Variants in THSD4 observed in about 807,000 individuals in gnomAD.
THSD4 encodes the protein thrombospondin type-1 domain-containing protein 4.
A neutral mutation model predicts 119.0 loss-of-function variants in THSD4; 69 were observed. The ratio of observed to expected loss-of-function variants is 0.58; its 90% CI spans 0.48 to 0.71. The LOEUF (loss-of-function observed/expected upper bound fraction) is 0.71. Among genes scored for constraint, THSD4 ranks in the 30% least tolerant of loss-of-function variants. The pLI is 0.00. For synonymous variants in THSD4, 524 were observed against 540.4 expected, an observed-to-expected ratio of 0.97 and a Z score of 0.42; for missense variants, 1,393 against 1,391.1, an observed-to-expected ratio of 1.00 and a Z score of -0.02.
intron 11 of THSD4, among the ~76,000 whole-genome samples, chr15:71,742,774 G>A (rs535979312): frequency 2.6e-4 from 39 of 152,302 alleles, no homozygotes; most frequent in African/African-American, 8.9e-4. Flanking sequence ...GTAGATATGG[G>A]TCAGGCGCCG....
chr15:71,600,610 G>A (rs1368929109), intron 7 of THSD4, among the ~76,000 whole-genome samples: 1 of 152,136 alleles, frequency 6.6e-6, no homozygotes, highest in Non-Finnish European at 1.5e-5. Flanking sequence ...TGATGATGAT[G>A]ACAATGACAA....
intron 1 of THSD4, among the ~76,000 whole-genome samples, chr15:71,123,535 A>T (rs991513265): frequency 3.3e-5 from 5 of 152,222 alleles, no homozygotes; most frequent in Admixed American, 2.6e-4. Context: ...CTTCTTACAG[A>T]TGAAGAAGGT....
At chr15:71,356,981 TG>T (rs1168928290) in intron 6 of THSD4, among the ~76,000 whole-genome samples, 3 of 152,138 alleles carry the variant, frequency 2.0e-5, no homozygotes, top group Non-Finnish European at 1.5e-5. Context: ...ACATCAAACG[TG>T]TGAGAGATGA....
chr15:71,447,122 T>TTG lies in THSD4; in HGVS notation c.1152+35300_1152+35301insGT, dbSNP rs1429679997. ...CCTCTTCCCTCCATTTTTTTTGTTT[T>TTG]TTTTTTTTTTTTTTTTGGAGACAGA... On this transcript the variant is annotated intron_variant, in intron 7 of 17. Transcript: ENST00000261862. 1.1e-4 allele frequency among the ~76,000 whole-genome samples: 15 copies of TTG among 136,758 alleles called. 1 individual carries two copies. Among genetic ancestry groups the TTG allele is most frequent in the Admixed American group, 2.2e-4 (3 of 13,708 alleles). 89.7% of individuals were successfully genotyped at this position (136,758 alleles called of 152,430 possible). A position where few individuals can be genotyped will look rare whatever the true frequency, so the allele number is the denominator to read the frequency against.
At chr15:71,704,652 C>T (rs891531857) in intron 8 of THSD4, among the ~76,000 whole-genome samples, 4 of 152,192 alleles carry the variant, frequency 2.6e-5, no homozygotes, top group African/African-American at 9.7e-5. Flanking sequence ...TAATTCAGAG[C>T]TAAGTATTTA....
At chr15:71,721,936 C>G (rs2052730721) in intron 8 of THSD4, among the ~76,000 whole-genome samples, 1 of 149,752 alleles carries the variant, frequency 6.7e-6, no homozygotes, top group African/African-American at 2.4e-5. Context: ...ATAATGGTGC[C>G]ACTGCACTCC....
intron 6 of THSD4, among the ~76,000 whole-genome samples, chr15:71,282,893 C>T (rs2044670405): frequency 1.3e-5 from 2 of 152,024 alleles, no homozygotes; most frequent in Non-Finnish European, 2.9e-5. Context: ...TACAAACATG[C>T]ACATAAAGTT....
chr15:71,392,217 A>T (rs2046388115), intron 6 of THSD4, among the ~76,000 whole-genome samples: 1 of 152,202 alleles, frequency 6.6e-6, no homozygotes, highest in Admixed American at 6.5e-5. Flanking sequence ...ATAAATGTCG[A>T]TATTTCCATG....
chr15:71,689,251 C>T (rs928199312), intron 8 of THSD4, among the ~76,000 whole-genome samples: 1 of 152,206 alleles, frequency 6.6e-6, no homozygotes, highest in African/African-American at 2.4e-5. Flanking sequence ...CTGGGAGCCA[C>T]CACCTGGTTC....
upstream of THSD4, chr15:71,112,327 ATAAT>A (rs778896769): frequency 5.0e-4 from 593 of 1,183,508 alleles, 5 homozygotes; most frequent in Middle Eastern, 7.1e-3. Context: ...GGTACTATTA[ATAAT>A]TAATTAATAA....
At chr15:71,163,025 G>A (rs1032215100) in intron 3 of THSD4, among the ~76,000 whole-genome samples, 13 of 151,680 alleles carry the variant, frequency 8.6e-5, no homozygotes, top group Non-Finnish European at 1.2e-4. Flanking sequence ...TTCGGCTCAC[G>A]AATTGTTTTC....
At chr15:71,762,829 G>T (rs1005539956) in intron 15 of THSD4, among the ~76,000 whole-genome samples, 2 of 152,194 alleles carry the variant, frequency 1.3e-5, no homozygotes, top group African/African-American at 4.8e-5. Context: ...AGCACTTTGG[G>T]AGGCCAAGGC....
chr15:71,481,971 C>G (rs376598698), intron 7 of THSD4, among the ~76,000 whole-genome samples: 9 of 152,312 alleles, frequency 5.9e-5, no homozygotes, highest in African/African-American at 2.2e-4. Flanking sequence ...CCATAAGTGC[C>G]CTTCCCAAAG....
intron 6 of THSD4, among the ~76,000 whole-genome samples, chr15:71,323,771 G>A (rs1170724073): frequency 1.3e-5 from 2 of 152,206 alleles, no homozygotes; most frequent in Non-Finnish European, 2.9e-5. Context: ...TTCTCATAAG[G>A]AATGTATTTA....
At chr15:71,341,206 C>A (rs1324743795) in intron 6 of THSD4, 1 of 1,562,160 alleles carries the variant, frequency 6.4e-7, no homozygotes, top group African/African-American at 1.4e-5. Context: ...TCTGGGATAT[C>A]TTTTTCTTCT....
At position 71,362,003 on chromosome 15, in the gene THSD4, C is replaced by T. The variant is rs550785492; in HGVS notation, c.1016-49684C>T. Among the ~76,000 whole-genome samples the T allele has an allele frequency of 3.5e-4, 54 of 152,302 alleles. No individual in the cohort carries two copies. The South Asian group carries it at 8.7e-3, about 25-fold the overall frequency. On this transcript the variant is annotated intron_variant, in intron 6 of 17. Coordinates refer to ENST00000261862, the MANE Select transcript of THSD4 (RefSeq NM_024817.3). ...ATTCAAAATAATGAGTGGAACTGGGCGTGGTGGCTAATGCCTATAATCCCA... is the reference window on the plus strand; with the variant it reads ...ATTCAAAATAATGAGTGGAACTGGGTGTGGTGGCTAATGCCTATAATCCCA...
chr15:71,660,357 ACT>A (rs1260254753), intron 7 of THSD4, 171 bp from the exon 8 acceptor site: 4 of 693,744 alleles, frequency 5.8e-6, no homozygotes, highest in South Asian at 1.8e-5. Flanking sequence ...CACCAAACAA[ACT>A]CTGTTTTATT....
intron 6 of THSD4, among the ~76,000 whole-genome samples, chr15:71,305,993 G>A (rs2045018822): frequency 6.6e-6 from 1 of 152,038 alleles, no homozygotes; most frequent in Non-Finnish European, 1.5e-5. Flanking sequence ...TCAAACGATT[G>A]TAAAGAGCTT....
At chr15:71,258,585 T>C (rs1237088815) in intron 6 of THSD4, among the ~76,000 whole-genome samples, 1 of 152,180 alleles carries the variant, frequency 6.6e-6, no homozygotes, top group Non-Finnish European at 1.5e-5. Context: ...CTAAAATGAT[T>C]TCAAAATAAA....
Sources: allele counts gnomAD v4.1 joint callset (sites outside exome capture counted in the v4.1 genomes callset), GRCh38; gene constraint gnomAD v4.1.1; transcripts MANE v1.5; gene names NCBI Gene and HGNC (gene_info 2026-07-23, HGNC 2026-07-21).